NFKBIA: variants seen among roughly 807,000 people sequenced by gnomAD.
NFKBIA encodes the protein NFKB inhibitor alpha.
A neutral mutation model predicts 36.3 loss-of-function variants in NFKBIA; 10 were observed. The observed-to-expected ratio is 0.28, with a 90% CI of 0.17 to 0.47. The LOEUF (loss-of-function observed/expected upper bound fraction) is 0.47. NFKBIA is among the 20% of genes least tolerant of loss of function. NFKBIA has a pLI of 0.99. For synonymous variants in NFKBIA, 205 were observed against 164.4 expected (o/e 1.25, Z -1.89); for missense variants, 355 against 399.3 (o/e 0.89, Z 0.94).
intron 1 of NFKBIA, 64 bp downstream of exon 1, chr14:35,404,351 TCCC>T: frequency 3.8e-6 from 4 of 1,049,892 alleles, no homozygotes; most frequent in Non-Finnish European, 1.3e-6. Flanking sequence ...GCCCGGCGCC[TCCC>T]ACCCCCAGGC....
At position 35,403,196 on chromosome 14, in the gene NFKBIA, G is replaced by A. The variant is rs200219960; in HGVS notation, c.501C>T (p.Cys167=). The change falls in exon 3 of 6, where the codon TGC becomes TGT. Residue 167 remains cysteine, a synonymous_variant. Coordinates refer to ENST00000216797, the MANE Select transcript of NFKBIA (RefSeq NM_020529.3). ...GGATGGAGTGGAGGTGCGGGGTGGT[G>A]CAGGACTGAGTCAGGACTCCCACGC... is the stretch of plus-strand genomic sequence containing the variant. ...LASVGVLTQS[C]TTPHLHSILK... is the part of the protein sequence containing the mutation. 4.3e-5 allele frequency: 70 copies of A among 1,612,408 alleles called. No homozygotes were observed. The Admixed American group carries it at 1.1e-3, about 26-fold the overall frequency.
At position 35,402,411 on chromosome 14, in the gene NFKBIA, C is replaced by T; in HGVS notation, c.889G>A (p.Glu297Lys). ...ESYDTESEFTEFTEDELPYDD... is the reference protein window; with the variant it reads ...ESYDTESEFTKFTEDELPYDD... ...AGACTCACCTCGTCCTCTGTGAACTCCGTGAACTCTGACTCTGTGTCATAG... is the reference window on the plus strand; with the variant it reads ...AGACTCACCTCGTCCTCTGTGAACTTCGTGAACTCTGACTCTGTGTCATAG... Residue 297 changes from glutamate to lysine, a missense_variant, in exon 5 of 6, where the codon GAG (glutamate) becomes AAG (lysine). By Grantham distance (56) the Glu-to-Lys change is moderately conservative. Coordinates refer to ENST00000216797, the MANE Select transcript of NFKBIA (RefSeq NM_020529.3). The T allele has an allele frequency of 6.2e-7, 1 of 1,614,128 alleles. No homozygotes were observed. Among genetic ancestry groups the T allele is most frequent in the South Asian group, 1.1e-5 (1 of 91,086 alleles).
intron 5 of NFKBIA, 127 bp from the exon 6 acceptor site, chr14:35,402,187 C>A: frequency 8.2e-7 from 1 of 1,215,972 alleles, no homozygotes; most frequent in South Asian, 1.2e-5. Context: ...ATATAATGAA[C>A]TTTACAGGCT....
chr14:35,402,194 G>A (rs1431590033), intron 5 of NFKBIA, 134 bp from the exon 6 acceptor site: 1 of 1,008,000 alleles, frequency 9.9e-7, no homozygotes. Flanking sequence ...GAACTTTACA[G>A]GCTGAGAGAG....
At chr14:35,402,224 T>TTTAAACAAAGAGTAAGCTA (rs1555342764) in intron 5 of NFKBIA, among the ~76,000 whole-genome samples, 164 bp from the exon 6 acceptor site, 2 of 27,304 alleles carry the variant, frequency 7.3e-5, no homozygotes, top group African/African-American at 3.0e-4. Context: ...AATGCTTCTC[T>TTTAAACAAAGAGTAAGCTA]TTAAAAAAAG....
chr14:35,404,426 G>C lies in NFKBIA; in HGVS notation c.219C>G (p.Asp73Glu), dbSNP rs371348054. The C allele has an allele frequency of 7.5e-7, 1 of 1,330,220 alleles. No individual in the cohort carries two copies. Among genetic ancestry groups the C allele is most frequent in the Non-Finnish European group, 9.9e-7 (1 of 1,005,464 alleles). The allele number at this position is 1,330,220 out of a possible 1,614,324, so 82.4% of individuals were successfully genotyped here. A position where few individuals can be genotyped will look rare whatever the true frequency, so the allele number is the denominator to read the frequency against. The change falls in exon 1 of 6, where the codon GAC becomes GAG. Residue 73 changes from aspartate (D) to glutamate (E), a missense_variant. Asp to Glu is a conservative substitution (Grantham distance 45, BLOSUM62 2). Coordinates refer to ENST00000216797, the MANE Select transcript of NFKBIA (RefSeq NM_020529.3). ...GGGCCTCCGCCACTTACGAGTCCCC[G>C]TCCTCGGTGAGCTGCTGCTTCCAGG... ...SEPWKQQLTE[D>E]GDSFLHLAII...
At position 35,403,803 on chromosome 14, in the gene NFKBIA, G is replaced by A. The variant is rs2138832951; in HGVS notation, c.228-5C>T. The A allele has an allele frequency of 1.2e-6, 2 of 1,608,094 alleles. No individual in the cohort carries two copies. The highest frequency in any genetic ancestry group is 2.2e-5 in the East Asian group (1 of 44,822). ...ATGATGGCCAAGTGCAGGAACCTGT[G>A]GGGAAGAGAGGGAAAAACCCCAGGG... On this transcript the variant is annotated splice_region_variant and splice_polypyrimidine_tract_variant and intron_variant, in intron 1 of 5. Coordinates refer to ENST00000216797, the MANE Select transcript of NFKBIA (RefSeq NM_020529.3).
Position 35,402,559 on chromosome 14 carries a change from G to C in NFKBIA, c.741C>G (p.Thr247=). The change falls in exon 5 of 6, where the codon ACC becomes ACG. Residue 247 remains threonine (T), a synonymous_variant. Coordinates refer to ENST00000216797, the MANE Select transcript of NFKBIA (RefSeq NM_020529.3). ...GCTGGTAGGGAGAATAGCCCTGGTA[G>C]GTAACTCTGTTGACATCAGCCCCAC... ...LKCGADVNRV[T]YQGYSPYQLT... 6.2e-7 allele frequency: 1 copy of C among 1,614,242 alleles called. No homozygotes were observed. The highest frequency in any genetic ancestry group is 8.5e-7 in the Non-Finnish European group (1 of 1,180,042).
chr14:35,404,244 GGCCCTGCA>G (rs1158938002), intron 1 of NFKBIA, 166 bp downstream of exon 1: 1 of 372,080 alleles, frequency 2.7e-6, no homozygotes. Flanking sequence ...TGCCCCGCGC[GGCCCTGCA>G]GCCCTGCAGC....
Position 35,402,550 on chromosome 14 carries a change from G to C in NFKBIA, c.750C>G (p.Gly250=). 1 of 1,614,228 alleles carries C rather than the reference G, an allele frequency of 6.2e-7. No homozygotes were observed. Among genetic ancestry groups the C allele is most frequent in the Non-Finnish European group, 8.5e-7 (1 of 1,180,044 alleles). The part of the protein sequence containing the change: ...GADVNRVTYQ[G]YSPYQLTWGR... ...CCCAGGTGAGCTGGTAGGGAGAATA[G>C]CCCTGGTAGGTAACTCTGTTGACAT... is the stretch of plus-strand genomic sequence containing the variant. The change falls in exon 5 of 6, where the codon GGC becomes GGG. Residue 250 remains glycine (G), a synonymous_variant. Transcript: ENST00000216797.
rs1324940606 is a variant in NFKBIA, at chr14:35,404,594, G to T, written c.51C>A (p.Arg17=). The T allele has an allele frequency of 1.3e-6, 2 of 1,578,460 alleles. No homozygotes were observed. Among genetic ancestry groups the T allele is most frequent in the Non-Finnish European group, 1.7e-6 (2 of 1,164,062 alleles). Residue 17 remains arginine, a synonymous_variant, in exon 1 of 6, where the codon CGC becomes CGA. Transcript: ENST00000216797. ...RPQEWAMEGP[R]DGLKKERLLD... The stretch of plus-strand genomic sequence containing the variant: ...GTAGCCGCTCCTTCTTCAGCCCGTC[G>T]CGGGGGCCCTCCATGGCCCACTCCT...
rs753264298 is a variant in NFKBIA, at chr14:35,401,969, T to G, written c.*44A>C. ...TTTTTTAGAAAAATAAAACTTTTTT[T>G]TTGTACAAATATACAAGTCCATGTT... On this transcript the variant is annotated 3_prime_UTR_variant, in exon 6 of 6. Coordinates refer to ENST00000216797, the MANE Select transcript of NFKBIA (RefSeq NM_020529.3). The G allele has an allele frequency of 1.2e-6, 2 of 1,607,062 alleles. No homozygotes were observed. Among genetic ancestry groups the G allele is most frequent in the South Asian group, 2.2e-5 (2 of 89,882 alleles).
At chr14:35,402,151 C>G (rs1594426075) in intron 5 of NFKBIA, 91 bp from the exon 6 acceptor site, 1 of 1,478,182 alleles carries the variant, frequency 6.8e-7, no homozygotes, top group East Asian at 2.3e-5. Flanking sequence ...GGAAATAACT[C>G]TTGGACTCCA....
chr14:35,404,335 C>A, intron 1 of NFKBIA, 83 bp downstream of exon 1: 2 of 1,076,026 alleles, frequency 1.9e-6, no homozygotes, highest in Non-Finnish European at 2.5e-6. Context: ...CCGGCTCGGG[C>A]TCCAGGCCCG....
intron 1 of NFKBIA, chr14:35,404,107 C>G: frequency 2.4e-6 from 1 of 414,366 alleles, no homozygotes; most frequent in Non-Finnish European, 4.4e-6. Context: ...CCGCCTTATG[C>G]AACCGGGGAC....
chr14:35,404,056 C>T lies in NFKBIA; in HGVS notation c.228-258G>A, dbSNP rs2052760238. 1.2e-5 allele frequency: 6 copies of T among 501,676 alleles called. No individual in the cohort carries two copies. In the South Asian group the frequency reaches 1.3e-4, roughly 11 times the overall value. The allele number at this position is 501,676 out of a possible 1,614,324, so 31.1% of individuals were successfully genotyped here. On this transcript the variant is annotated intron_variant, in intron 1 of 5. Coordinates refer to ENST00000216797, the MANE Select transcript of NFKBIA (RefSeq NM_020529.3). Reference sequence around the variant, plus strand: ...GCTCGGAACGCCCTGTACTTCCCCTCCCGGCTGCTCGGCGCCCGCCAGCGG... The same window carrying T: ...GCTCGGAACGCCCTGTACTTCCCCTTCCGGCTGCTCGGCGCCCGCCAGCGG...
In NFKBIA at chr14:35,402,550, G is replaced by A. The variant is rs749777504; in HGVS notation, c.750C>T (p.Gly250=). 4 of 1,614,228 alleles carry A rather than the reference G, an allele frequency of 2.5e-6. No homozygotes were observed. The South Asian group carries it at 4.4e-5, about 18-fold the overall frequency. The change falls in exon 5 of 6, where the codon GGC becomes GGT. Residue 250 remains glycine, a synonymous_variant. Transcript: ENST00000216797. ...CCCAGGTGAGCTGGTAGGGAGAATA[G>A]CCCTGGTAGGTAACTCTGTTGACAT... ...GADVNRVTYQ[G]YSPYQLTWGR... is the part of the protein sequence containing the mutation.
At chr14:35,404,091 C>A (rs540947564) in intron 1 of NFKBIA, 1 of 446,396 alleles carries the variant, frequency 2.2e-6, no homozygotes, top group African/African-American at 2.1e-5. Flanking sequence ...GCCAGAAACT[C>A]CCGCCCCGCC....
At position 35,402,415 on chromosome 14, in the gene NFKBIA, G is replaced by C. The variant is rs2138830365; in HGVS notation, c.885C>G (p.Phe295Leu). 2 of 1,614,150 alleles carry C rather than the reference G, an allele frequency of 1.2e-6. No individual in the cohort carries two copies. Among genetic ancestry groups the C allele is most frequent in the Non-Finnish European group, 1.7e-6 (2 of 1,180,020 alleles). The change falls in exon 5 of 6, where the codon TTC (phenylalanine) becomes TTG (leucine). Residue 295 changes from phenylalanine to leucine, a missense_variant. By Grantham distance (22) the Phe-to-Leu change is conservative. Coordinates refer to ENST00000216797, the MANE Select transcript of NFKBIA (RefSeq NM_020529.3). ...DEESYDTESEFTEFTEDELPY... is the reference protein window; with the variant it reads ...DEESYDTESELTEFTEDELPY... ...TCACCTCGTCCTCTGTGAACTCCGT[G>C]AACTCTGACTCTGTGTCATAGCTCT...
Sources: gnomAD v4.1 joint callset for allele counts (sites outside exome capture counted in the v4.1 genomes callset) on GRCh38, gnomAD v4.1.1 for gene constraint, MANE v1.5 for transcripts, NCBI Gene and HGNC (gene_info 2026-07-23, HGNC 2026-07-21) for gene names.